The following MYOCOS variants were observed in gnomAD, a reference collection of about 807,000 sequenced individuals.
MYOCOS encodes myocilin opposite strand.
intron 1 of MYOCOS, among the ~76,000 whole-genome samples, chr1:171,606,506 A>G (rs1652245941): frequency 6.6e-6 from 1 of 152,198 alleles, no homozygotes; most frequent in South Asian, 2.1e-4. Context: ...GTTAAAAATC[A>G]ACTCCTGACT....
chr1:171,603,872 T>TA (rs1652190701), intron 1 of MYOCOS, among the ~76,000 whole-genome samples: 5 of 152,340 alleles, frequency 3.3e-5, no homozygotes, highest in African/African-American at 1.2e-4. Flanking sequence ...AGCTAACTCT[T>TA]AGACAAAACC....
At chr1:171,613,901 C>T (rs79000234) in intron 1 of MYOCOS, among the ~76,000 whole-genome samples, 1 of 152,102 alleles carries the variant, frequency 6.6e-6, no homozygotes, top group South Asian at 2.1e-4. Context: ...TTATATGCTG[C>T]CAAAGAGGCC....
chr1:171,623,573 C>T (rs2102939996), intron 1 of MYOCOS, among the ~76,000 whole-genome samples: 1 of 152,224 alleles, frequency 6.6e-6, no homozygotes, highest in African/African-American at 2.4e-5. Flanking sequence ...ATGATAGCTG[C>T]CCACTGCATG....
chr1:171,603,703 A>G (rs1652188290), intron 1 of MYOCOS, among the ~76,000 whole-genome samples: 1 of 152,244 alleles, frequency 6.6e-6, no homozygotes, highest in Non-Finnish European at 1.5e-5. Context: ...TATGTGTCAA[A>G]AAGAGAAAAA....
chr1:171,601,963 CAG>C (rs1037398633), intron 1 of MYOCOS, among the ~76,000 whole-genome samples: 2 of 151,244 alleles, frequency 1.3e-5, no homozygotes, highest in Admixed American at 6.6e-5. Flanking sequence ...TAAAAGTTAA[CAG>C]TGTAACATGT....
chr1:171,609,852 C>T (rs1652324350), intron 1 of MYOCOS, among the ~76,000 whole-genome samples: 1 of 152,190 alleles, frequency 6.6e-6, no homozygotes, highest in Non-Finnish European at 1.5e-5. Flanking sequence ...GCAGGTGCAG[C>T]TTAACTAGAT....
At chr1:171,608,713 G>A (rs1043093362) in intron 1 of MYOCOS, among the ~76,000 whole-genome samples, 2 of 151,956 alleles carry the variant, frequency 1.3e-5, no homozygotes, top group African/African-American at 2.4e-5. Context: ...GAGCCACCAC[G>A]CCCGGCTAGG....
upstream of MYOCOS, among the ~76,000 whole-genome samples, chr1:171,620,816 A>G (rs944172756): frequency 3.6e-5 from 5 of 138,810 alleles, no homozygotes; most frequent in South Asian, 4.5e-4. Flanking sequence ...TCTGTTGCCA[A>G]GCTGGAGTGC....
At chr1:171,623,077 A>T (rs927441956) in intron 1 of MYOCOS, among the ~76,000 whole-genome samples, 1 of 152,062 alleles carries the variant, frequency 6.6e-6, no homozygotes, top group African/African-American at 2.4e-5. Context: ...AAAAATACAA[A>T]AATTAGCTGG....
chr1:171,620,915 G>A (rs1306851419), upstream of MYOCOS, among the ~76,000 whole-genome samples: 1 of 151,374 alleles, frequency 6.6e-6, no homozygotes, highest in Non-Finnish European at 1.5e-5. Flanking sequence ...GATTACAGGC[G>A]AGTGCCACCA....
At chr1:171,611,334 G>T (rs138627938) in intron 1 of MYOCOS, among the ~76,000 whole-genome samples, 7 of 152,200 alleles carry the variant, frequency 4.6e-5, no homozygotes, top group African/African-American at 1.7e-4. Context: ...GTTCCCTTAG[G>T]CCCTACTTGT....
rs1415539776 is a variant in MYOCOS, at chr1:171,605,396, A to ACAC, written c.-252+4316_-252+4317insCAC. Among the ~76,000 whole-genome samples the ACAC allele has an allele frequency of 8.2e-4, 99 of 120,868 alleles. 2 individuals carry two copies. Among genetic ancestry groups the ACAC allele is most frequent in the African/African-American group, 2.6e-3 (69 of 26,448 alleles). 79.3% of individuals were successfully genotyped at this position (120,868 alleles called of 152,430 possible). A position where few individuals can be genotyped will look rare whatever the true frequency, so the allele number is the denominator to read the frequency against. ...TACCACACACACACACACACACACA[A>ACAC]AAAAAAAAAAACAGTTACATGATAA... On this transcript the variant is annotated intron_variant, in intron 1 of 3. Coordinates refer to the MYOCOS transcript ENST00000636697.
At chr1:171,601,433 G>A (rs1359783960) in intron 1 of MYOCOS, among the ~76,000 whole-genome samples, 5 of 151,238 alleles carry the variant, frequency 3.3e-5, no homozygotes, top group East Asian at 1.9e-4. Context: ...CTCTTTACCC[G>A]TTCTTTGTCT....
chr1:171,618,595 A>C (rs553465019), upstream of MYOCOS, among the ~76,000 whole-genome samples: 1 of 146,304 alleles, frequency 6.8e-6, no homozygotes, highest in South Asian at 2.2e-4. Context: ...TTGTTTTTTG[A>C]GATGGTGTCT....
At chr1:171,605,887 G>T (rs1337548526) in intron 1 of MYOCOS, among the ~76,000 whole-genome samples, 1 of 152,180 alleles carries the variant, frequency 6.6e-6, no homozygotes, top group East Asian at 1.9e-4. Flanking sequence ...TGCCCGGCAA[G>T]AGACTCTGAA....
At chr1:171,601,926 C>G (rs553834602) in intron 1 of MYOCOS, among the ~76,000 whole-genome samples, 1 of 152,046 alleles carries the variant, frequency 6.6e-6, no homozygotes, top group East Asian at 1.9e-4. Context: ...CCCAAACTTA[C>G]AAGGTTTTCA....
chr1:171,618,520 G>A (rs1023915739), upstream of MYOCOS, among the ~76,000 whole-genome samples: 2 of 152,114 alleles, frequency 1.3e-5, no homozygotes, highest in East Asian at 1.9e-4. Flanking sequence ...GCCCATGAGG[G>A]TCACCCATCC....
chr1:171,619,711 C>T (rs1160961959), upstream of MYOCOS, among the ~76,000 whole-genome samples: 2 of 151,744 alleles, frequency 1.3e-5, no homozygotes, highest in East Asian at 1.9e-4. Context: ...GTGGCAGGCA[C>T]CTGTGGTCCC....
At chr1:171,621,079 T>C (rs1004706310), upstream of MYOCOS, among the ~76,000 whole-genome samples, 2 of 151,956 alleles carry the variant, frequency 1.3e-5, no homozygotes, top group African/African-American at 4.8e-5. Flanking sequence ...ACCAATGTAT[T>C]TCTTAAATGT....
Sources: gnomAD v4.1 joint callset for allele counts (sites outside exome capture counted in the v4.1 genomes callset) on GRCh38, gnomAD v4.1.1 for gene constraint, MANE v1.5 for transcripts, NCBI Gene and HGNC (gene_info 2026-07-23, HGNC 2026-07-21) for gene names.